The following MGAM variants were observed in gnomAD, a reference collection of about 807,000 sequenced individuals.
MGAM encodes alpha-1,4-glucosidase.
Under a neutral mutation model 358.8 loss-of-function variants are expected in MGAM, and 253 were observed. The observed-to-expected ratio is 0.71, with a 90% CI of 0.64 to 0.78. The LOEUF is 0.78. Among genes scored for constraint, MGAM ranks in the 30% least tolerant of loss-of-function variants. MGAM has a pLI of 0.00. For synonymous variants in MGAM, 1,105 were observed against 1,227.1 expected, an observed-to-expected ratio of 0.90 and a Z score of 2.08; for missense variants, 3,080 against 3,432.6, an observed-to-expected ratio of 0.90 and a Z score of 2.57.
intron 2 of MGAM, among the ~76,000 whole-genome samples, chr7:141,990,271 A>G (rs1472919323): frequency 6.6e-6 from 1 of 151,964 alleles, no homozygotes; most frequent in African/African-American, 2.4e-5. Flanking sequence ...CAAATGATTC[A>G]CATGCATTAT....
At chr7:141,989,215 G>GTGT (rs1175164507) in intron 2 of MGAM, among the ~76,000 whole-genome samples, 1 of 152,118 alleles carries the variant, frequency 6.6e-6, no homozygotes, top group African/African-American at 2.4e-5. Context: ...AGTGTGGGAT[G>GTGT]TGTTGACTGT....
chr7:142,002,771 T>C (rs1305561880), intron 1 of MGAM, among the ~76,000 whole-genome samples: 2 of 151,866 alleles, frequency 1.3e-5, no homozygotes, highest in African/African-American at 4.8e-5. Context: ...GCATCCAAAC[T>C]GGAAAAAAGG....
intron 44 of MGAM, 57 bp downstream of exon 44, chr7:142,071,175 T>C: frequency 6.7e-7 from 1 of 1,496,570 alleles, no homozygotes. Flanking sequence ...CAATTTGTGA[T>C]GAAGTCTACC....
At chr7:142,024,189 G>A (rs897201980) in intron 7 of MGAM, among the ~76,000 whole-genome samples, 18 of 151,002 alleles carry the variant, frequency 1.2e-4, no homozygotes, top group Admixed American at 3.3e-4. Context: ...AGATTGAGCC[G>A]CTGCACTCCA....
chr7:142,036,272 G>A lies in MGAM; in HGVS notation c.2063G>A (p.Gly688Asp). 1 of 1,605,582 alleles carries A rather than the reference G, an allele frequency of 6.2e-7. No individual in the cohort carries two copies. Among genetic ancestry groups the A allele is most frequent in the Non-Finnish European group, 8.5e-7 (1 of 1,175,630 alleles). The stretch of plus-strand genomic sequence containing the variant: ...TATCCGTTTTCTAGAAATCACAATG[G>A]CCAAGGCTACAAGGTAAGGCTCCTA... ...AFYPFSRNHNGQGYKDQDPAS... is the reference protein window; with the variant it reads ...AFYPFSRNHNDQGYKDQDPAS... Residue 688 changes from glycine (G) to aspartate (D), a missense_variant, in exon 17 of 71, where the codon GGC (glycine) becomes GAC (aspartate). Around this residue, in one of 5 missense-constraint regions of MGAM, gnomAD observed 1,816 missense variants for 1,840.5 expected, o/e 0.99. Coordinates refer to ENST00000475668, the MANE Select transcript of MGAM (RefSeq NM_001365693.1).
intron 44 of MGAM, among the ~76,000 whole-genome samples, chr7:142,073,289 C>T (rs1813489936): frequency 6.8e-6 from 1 of 146,036 alleles, no homozygotes; most frequent in African/African-American, 2.4e-5. Context: ...TTAAAGAAAG[C>T]AGATGATTTT....
At chr7:142,104,097 C>T (rs952643029) in intron 70 of MGAM, among the ~76,000 whole-genome samples, 1 of 152,132 alleles carries the variant, frequency 6.6e-6, no homozygotes, top group Non-Finnish European at 1.5e-5. Context: ...TGTGATCCGC[C>T]TGCCTTGGCC....
At chr7:142,007,919 C>A (rs1755325184) in intron 2 of MGAM, among the ~76,000 whole-genome samples, 1 of 152,138 alleles carries the variant, frequency 6.6e-6, no homozygotes, top group Non-Finnish European at 1.5e-5. Flanking sequence ...TTGTACTGCA[C>A]ATGTTCTGTG....
chr7:142,090,896 T>G (rs1401262172), intron 57 of MGAM, among the ~76,000 whole-genome samples: 1 of 146,416 alleles, frequency 6.8e-6, no homozygotes, highest in Non-Finnish European at 1.5e-5. Flanking sequence ...AATATAAATG[T>G]CACTCAGATG....
chr7:141,993,718 G>T (rs1408610368), upstream of MGAM, among the ~76,000 whole-genome samples: 1 of 152,126 alleles, frequency 6.6e-6, no homozygotes, highest in Non-Finnish European at 1.5e-5. Flanking sequence ...AACTACAGTG[G>T]TGTTAGTAGT....
Position 142,065,714 on chromosome 7 carries a change from G to A in MGAM, c.4654-1G>A. ...GCTCCTTTTATTTCCTCTTGTTTCA[G>A]ACGGGAGCAGATATCTGTGGGTTCT... On this transcript the variant is annotated splice_acceptor_variant, in intron 39 of 70. Transcript: ENST00000475668. LOFTEE classifies it high-confidence loss of function. The A allele has an allele frequency of 6.3e-7, 1 of 1,590,772 alleles. No homozygotes were observed. Among genetic ancestry groups the A allele is most frequent in the Non-Finnish European group, 8.6e-7 (1 of 1,161,124 alleles).
At chr7:142,027,006 C>A in intron 8 of MGAM, 109 bp from the exon 9 acceptor site, 2 of 807,234 alleles carry the variant, frequency 2.5e-6, no homozygotes, top group Non-Finnish European at 4.1e-6. Flanking sequence ...GCACTAGGGT[C>A]ACCTTGTTAA....
intron 43 of MGAM, among the ~76,000 whole-genome samples, chr7:142,070,783 C>G (rs572343361): frequency 6.8e-6 from 1 of 146,234 alleles, no homozygotes; most frequent in East Asian, 2.0e-4. Context: ...ATGGTGGAAG[C>G]AAAGGTAAGA....
At chr7:142,019,145 A>G (rs1325403543) in intron 3 of MGAM, 54 bp from the exon 4 acceptor site, 6 of 1,571,408 alleles carry the variant, frequency 3.8e-6, no homozygotes, top group Non-Finnish European at 5.2e-6. Flanking sequence ...GTGCTTTATA[A>G]ATGATCATGT....
chr7:142,065,523 T>G, intron 38 of MGAM, 55 bp downstream of exon 38: 2 of 1,613,912 alleles, frequency 1.2e-6, no homozygotes, highest in Non-Finnish European at 1.7e-6. Flanking sequence ...TTGGGATCCT[T>G]AGGGAAGAGG....
rs768452325 is a variant in MGAM at position 142,064,401 on chromosome 7, A to T, written c.4363A>T (p.Arg1455Trp). The T allele has an allele frequency of 9.3e-6, 15 of 1,608,276 alleles. No individual in the cohort carries two copies. The change falls in exon 37 of 71, where the codon AGG (arginine) becomes TGG (tryptophan). Residue 1455 changes from arginine to tryptophan, a missense_variant. By Grantham distance (101) the Arg-to-Trp change is moderately radical. This residue lies in a region of MGAM where 1,816 missense variants were observed against 1,840.5 expected (regional missense o/e 0.99). Transcript: ENST00000475668. ...PYMPHLESRD[R>W]GLSSKTLCME... ...CTCCTCAGATTTGGAGTCCAGGGAC[A>T]GGGGCCTGAGCAGCAAGACCCTTTG...
intron 6 of MGAM, 36 bp downstream of exon 6, chr7:142,021,773 GAAGGTTAC>G (rs782013802): frequency 6.2e-7 from 1 of 1,608,480 alleles, no homozygotes; most frequent in South Asian, 1.1e-5. Flanking sequence ...ATCAGAGTAG[GAAGGTTAC>G]AGGGAGGTCT....
intron 9 of MGAM, 59 bp downstream of exon 9, chr7:142,027,286 A>G (rs371205738): frequency 7.3e-7 from 1 of 1,376,262 alleles, no homozygotes; most frequent in Non-Finnish European, 1.0e-6. Flanking sequence ...ATATTTTAAA[A>G]AAGTAAAATT....
chr7:142,067,622 C>G (rs1335300753), intron 42 of MGAM, among the ~76,000 whole-genome samples, 197 bp downstream of exon 42: 1 of 141,672 alleles, frequency 7.1e-6, no homozygotes. Flanking sequence ...TAAAATGAGC[C>G]TAACAATTCT....
Sources: gnomAD v4.1 joint callset for allele counts (sites outside exome capture counted in the v4.1 genomes callset) on GRCh38, gnomAD v4.1.1 for gene constraint, gnomAD v4.1.1 regional missense constraint, MANE v1.5 for transcripts, NCBI Gene and HGNC (gene_info 2026-07-23, HGNC 2026-07-21) for gene names.